TYW1: variants seen among roughly 807,000 people sequenced by gnomAD.
TYW1 encodes the protein tRNA-yW synthesizing protein 1 homolog.
In TYW1, 46 loss-of-function variants were observed where a neutral mutation model predicts 96.2. That is an observed-to-expected ratio of 0.48 (90% confidence interval 0.38 to 0.61). The LOEUF is 0.61. Ranked by LOEUF, TYW1 falls within the 20% of genes least tolerant of loss-of-function variation. The pLI is 0.00. For synonymous variants in TYW1, 274 were observed against 323.0 expected (o/e 0.85, Z 1.63); for missense variants, 684 against 909.6 (o/e 0.75, Z 3.19).
intron 6 of TYW1, among the ~76,000 whole-genome samples, chr7:67,022,557 T>C (rs1794311532): frequency 6.6e-6 from 1 of 152,206 alleles, no homozygotes; most frequent in Non-Finnish European, 1.5e-5. Context: ...GAGATCCTAA[T>C]ACTGAAGGTA....
chr7:67,046,006 T>A (rs1795175301), intron 7 of TYW1, among the ~76,000 whole-genome samples: 1 of 152,188 alleles, frequency 6.6e-6, no homozygotes. Context: ...GGGAGTCGAC[T>A]GGCAAGGAGA....
chr7:67,191,401 TG>T (rs1216591759), intron 14 of TYW1, among the ~76,000 whole-genome samples: 4 of 152,140 alleles, frequency 2.6e-5, no homozygotes, highest in Non-Finnish European at 5.9e-5. Context: ...CAAACATTCT[TG>T]GGGTCTGCTT....
chr7:67,118,675 A>C (rs369861808), intron 13 of TYW1, among the ~76,000 whole-genome samples: 1 of 151,856 alleles, frequency 6.6e-6, no homozygotes, highest in Non-Finnish European at 1.5e-5. Flanking sequence ...TGGGCAGATC[A>C]CTTGAGGTCA....
At chr7:67,012,334 C>T (rs1440343135) in intron 4 of TYW1, among the ~76,000 whole-genome samples, 11 of 151,588 alleles carry the variant, frequency 7.3e-5, no homozygotes, top group East Asian at 3.9e-4. Flanking sequence ...GGTGACAGAG[C>T]GAGACTCTGT....
At chr7:67,224,455 T>TAC (rs1253849326) in intron 15 of TYW1, among the ~76,000 whole-genome samples, 1 of 152,204 alleles carries the variant, frequency 6.6e-6, no homozygotes, top group Non-Finnish European at 1.5e-5. Flanking sequence ...TCCTCGTACA[T>TAC]ACCACTTTCT....
At chr7:67,001,136 A>C (rs1793373721) in intron 3 of TYW1, among the ~76,000 whole-genome samples, 1 of 152,342 alleles carries the variant, frequency 6.6e-6, no homozygotes, top group African/African-American at 2.4e-5. Context: ...GATGGTAACA[A>C]ATCCAGGTGT....
At chr7:67,206,892 C>A (rs1800819126) in intron 15 of TYW1, among the ~76,000 whole-genome samples, 1 of 152,142 alleles carries the variant, frequency 6.6e-6, no homozygotes, top group Admixed American at 6.5e-5. Context: ...AGAGAAACAC[C>A]TAATCATTTT....
At chr7:67,224,422 C>T (rs549879389) in intron 15 of TYW1, among the ~76,000 whole-genome samples, 3 of 152,342 alleles carry the variant, frequency 2.0e-5, no homozygotes, top group Admixed American at 6.5e-5. Context: ...CCACCATGCC[C>T]GGCCAATACT....
At chr7:67,075,398 TAGAC>T (rs1388196726) in intron 10 of TYW1, among the ~76,000 whole-genome samples, 3 of 152,212 alleles carry the variant, frequency 2.0e-5, no homozygotes, top group African/African-American at 7.2e-5. Context: ...AAAATCTTGT[TAGAC>T]AGTTCTCCAA....
chr7:67,237,499 CAAAAAAAAAA>C (rs386410332), intron 15 of TYW1, among the ~76,000 whole-genome samples: 1 of 98,788 alleles, frequency 1.0e-5, no homozygotes, highest in African/African-American at 3.3e-5. Flanking sequence ...GACTCTGTCT[CAAAAAAAAAA>C]AAAAAAAAAG....
chr7:67,228,251 G>T (rs1005669074), intron 15 of TYW1, among the ~76,000 whole-genome samples: 1 of 152,218 alleles, frequency 6.6e-6, no homozygotes, highest in Non-Finnish European at 1.5e-5. Context: ...TCACGTGGCT[G>T]GGGTGGCATC....
intron 11 of TYW1, among the ~76,000 whole-genome samples, chr7:67,096,874 C>T (rs140792915): frequency 1.2e-3 from 183 of 152,308 alleles, no homozygotes; most frequent in African/African-American, 4.2e-3. Context: ...TTTAGGACAG[C>T]ATATCTTGTA....
intron 15 of TYW1, among the ~76,000 whole-genome samples, chr7:67,235,458 T>A (rs574543426): frequency 1.3e-5 from 2 of 152,314 alleles, no homozygotes; most frequent in East Asian, 3.9e-4. Flanking sequence ...AGGGTGAGTG[T>A]CATGCCTCTG....
At chr7:67,096,773 C>T (rs1211468663) in intron 11 of TYW1, among the ~76,000 whole-genome samples, 1 of 152,100 alleles carries the variant, frequency 6.6e-6, no homozygotes. Context: ...GTGTCATTCC[C>T]CTCTATGTGT....
chr7:67,135,176 G>C (rs926296677), intron 13 of TYW1, among the ~76,000 whole-genome samples: 1 of 149,748 alleles, frequency 6.7e-6, no homozygotes, highest in Non-Finnish European at 1.5e-5. Flanking sequence ...GAGAGAGAGA[G>C]AGGAAGTTCA....
intron 3 of TYW1, among the ~76,000 whole-genome samples, chr7:67,007,547 G>A (rs1259486768): frequency 2.0e-5 from 3 of 152,106 alleles, no homozygotes; most frequent in Admixed American, 6.6e-5. Flanking sequence ...TGGAGATTAC[G>A]TGTTAATGAT....
intron 15 of TYW1, among the ~76,000 whole-genome samples, chr7:67,229,313 G>A (rs11766470): frequency 0.36 from 55,207 of 151,792 alleles, 10,383 homozygotes; most frequent in Middle Eastern, 0.46. Flanking sequence ...TGAGGCGGGC[G>A]GATCACCTGA....
intron 5 of TYW1, 39 bp downstream of exon 5, chr7:67,014,600 T>G (rs1354474659): frequency 1.3e-6 from 2 of 1,575,438 alleles, no homozygotes; most frequent in Non-Finnish European, 1.7e-6. Context: ...ATTCTCCCCA[T>G]AAACACACAC....
chr7:67,028,408 G>A (rs568217203), intron 7 of TYW1, among the ~76,000 whole-genome samples: 1 of 152,312 alleles, frequency 6.6e-6, no homozygotes, highest in South Asian at 2.1e-4. Context: ...TTAGCTGGGT[G>A]TGGTGGCGCA....
Sources: allele counts gnomAD v4.1 joint callset (sites outside exome capture counted in the v4.1 genomes callset), GRCh38; gene constraint gnomAD v4.1.1; transcripts MANE v1.5; gene names NCBI Gene and HGNC (gene_info 2026-07-23, HGNC 2026-07-21).